Variants in NPSR1 observed in about 807,000 individuals in gnomAD.
The protein encoded by NPSR1 is neuropeptide S receptor 1.
Under a neutral mutation model 46.9 loss-of-function variants are expected in NPSR1, and 48 were observed. That is an observed-to-expected ratio of 1.02 (90% confidence interval 0.81 to 1.30). The LOEUF is 1.30. Among genes scored for constraint, NPSR1 ranks in the 50% most tolerant of loss-of-function variants. The probability of loss-of-function intolerance (pLI) is 0.00; values close to 1 mark genes in which losing one functional copy is unlikely to be tolerated. For missense variants in NPSR1, 450 were observed against 449.5 expected (o/e 1.00, Z -0.01); for synonymous variants, 176 against 168.1 (o/e 1.05, Z -0.36).
chr7:34,703,220 G>A (rs952244116), intron 2 of NPSR1, among the ~76,000 whole-genome samples: 16 of 152,226 alleles, frequency 1.1e-4, no homozygotes, highest in African/African-American at 3.1e-4. Flanking sequence ...TCAGCCAGGC[G>A]TGGTGGCGGG....
intron 6 of NPSR1, among the ~76,000 whole-genome samples, chr7:34,837,512 A>C (rs1790416104): frequency 6.6e-6 from 1 of 152,142 alleles, no homozygotes; most frequent in Non-Finnish European, 1.5e-5. Context: ...CCCATGGCCC[A>C]TTGCCCATTT....
chr7:34,791,580 T>C (rs1202108773), intron 3 of NPSR1, among the ~76,000 whole-genome samples: 1 of 151,876 alleles, frequency 6.6e-6, no homozygotes, highest in Non-Finnish European at 1.5e-5. Flanking sequence ...TGGAAAGGCA[T>C]CCTGTTTTCA....
chr7:34,669,245 A>G (rs1373474284), intron 1 of NPSR1, among the ~76,000 whole-genome samples: 2 of 152,188 alleles, frequency 1.3e-5, no homozygotes, highest in African/African-American at 2.4e-5. Context: ...GGATGCATTC[A>G]CCATTTAACT....
At chr7:34,676,551 C>T (rs13245684) in intron 1 of NPSR1, among the ~76,000 whole-genome samples, 33,811 of 151,808 alleles carry the variant, frequency 0.22, 3,998 homozygotes, top group South Asian at 0.33. Flanking sequence ...GGGACATGCA[C>T]GCATAATACG....
At chr7:34,703,618 TTAAC>T (rs1315482912) in intron 2 of NPSR1, among the ~76,000 whole-genome samples, 1 of 152,172 alleles carries the variant, frequency 6.6e-6, no homozygotes, top group Non-Finnish European at 1.5e-5. Context: ...AAAAAAAATC[TTAAC>T]TAATTATTCT....
downstream of NPSR1, among the ~76,000 whole-genome samples, chr7:34,850,311 A>G (rs965006583): frequency 1.3e-5 from 2 of 151,744 alleles, no homozygotes; most frequent in African/African-American, 4.8e-5. Flanking sequence ...ACTGGTTCTG[A>G]TAGAAAACAA....
chr7:34,858,508 A>G lies in NPSR1; in HGVS notation c.1025+9845A>G, dbSNP rs1206961170. Among the ~76,000 whole-genome samples, 6 of 151,956 alleles carry G rather than the reference A, an allele frequency of 3.9e-5. No individual in the cohort carries two copies. The East Asian group carries it at 1.2e-3, about 29-fold the overall frequency. ...CAAAATTAAATTATCATATTTAGCA[A>G]TGCACACATAGGTAATTGTATTAGT... is the stretch of plus-strand genomic sequence containing the variant. On this transcript the variant is annotated intron_variant, in intron 8 of 8. Coordinates refer to the NPSR1 transcript ENST00000359791.
At chr7:34,871,866 T>A (rs1442871812) in intron 8 of NPSR1, among the ~76,000 whole-genome samples, 1 of 151,602 alleles carries the variant, frequency 6.6e-6, no homozygotes, top group Non-Finnish European at 1.5e-5. Context: ...TTCTCAAGAG[T>A]TGGAGTGGAG....
intron 4 of NPSR1, among the ~76,000 whole-genome samples, chr7:34,826,520 C>A (rs1159684830): frequency 6.6e-6 from 1 of 152,050 alleles, no homozygotes; most frequent in Non-Finnish European, 1.5e-5. Flanking sequence ...GGAAGAAGGT[C>A]CCAGAGCCAA....
At chr7:34,731,150 C>T (rs1021122228) in intron 2 of NPSR1, among the ~76,000 whole-genome samples, 12 of 151,698 alleles carry the variant, frequency 7.9e-5, no homozygotes, top group African/African-American at 2.7e-4. Flanking sequence ...GAATTATAAA[C>T]GGATTTAAAT....
intron 6 of NPSR1, among the ~76,000 whole-genome samples, chr7:34,842,013 G>T (rs925174344): frequency 1.3e-5 from 2 of 152,156 alleles, no homozygotes; most frequent in Admixed American, 6.5e-5. Flanking sequence ...ACAATCAAAC[G>T]TAATAATACC....
chr7:34,695,535 A>G (rs1793476448), intron 2 of NPSR1, among the ~76,000 whole-genome samples: 1 of 152,206 alleles, frequency 6.6e-6, no homozygotes, highest in African/African-American at 2.4e-5. Context: ...TTGGAGAGGA[A>G]GTATTTGCAG....
At position 34,802,878 on chromosome 7, in the gene NPSR1, C is replaced by A. The variant is rs60349661; in HGVS notation, c.385-8892C>A. Reference sequence around the variant, plus strand: ...CTCAAACAAATTTACAAGAAAAAAACAAACAACCCCATCAAAAAGTGGGCG... The same window carrying A: ...CTCAAACAAATTTACAAGAAAAAAAAAAACAACCCCATCAAAAAGTGGGCG... On this transcript the variant is annotated intron_variant, in intron 3 of 8. Coordinates refer to ENST00000360581, the MANE Select transcript of NPSR1 (RefSeq NM_207172.2). Among the ~76,000 whole-genome samples, 1,154 of 150,258 alleles carry A rather than the reference C, an allele frequency of 7.7e-3. 92 individuals are homozygous for A. Among genetic ancestry groups the A allele is most frequent in the African/African-American group, 0.028 (1,115 of 39,694 alleles).
intron 7 of NPSR1, among the ~76,000 whole-genome samples, chr7:34,847,968 G>A (rs189458616): frequency 5.3e-5 from 8 of 152,270 alleles, no homozygotes; most frequent in African/African-American, 1.9e-4. Flanking sequence ...TTTCTGGAGA[G>A]GCCAACTTAG....
At chr7:34,716,722 T>A (rs1158187498) in intron 2 of NPSR1, among the ~76,000 whole-genome samples, 1 of 152,066 alleles carries the variant, frequency 6.6e-6, no homozygotes, top group African/African-American at 2.4e-5. Flanking sequence ...ATCCTTTATC[T>A]CTCCTCCTCT....
intron 2 of NPSR1, among the ~76,000 whole-genome samples, chr7:34,722,967 T>C (rs1202410139): frequency 1.3e-5 from 2 of 152,218 alleles, no homozygotes; most frequent in African/African-American, 4.8e-5. Flanking sequence ...TCCCATTATT[T>C]GACCTGTGTC....
At chr7:34,698,563 C>T (rs572561704) in intron 2 of NPSR1, among the ~76,000 whole-genome samples, 9 of 152,014 alleles carry the variant, frequency 5.9e-5, no homozygotes, top group Non-Finnish European at 1.0e-4. Context: ...CAGATTTGAC[C>T]CAAGGGTGAC....
At chr7:34,681,185 C>T (rs566386307) in intron 1 of NPSR1, among the ~76,000 whole-genome samples, 8 of 152,268 alleles carry the variant, frequency 5.3e-5, no homozygotes, top group Non-Finnish European at 5.9e-5. Flanking sequence ...CAAGTCCCAA[C>T]CTGAGGGAGA....
intron 2 of NPSR1, among the ~76,000 whole-genome samples, chr7:34,702,881 G>A (rs1166221123): frequency 6.6e-6 from 1 of 152,134 alleles, no homozygotes; most frequent in Non-Finnish European, 1.5e-5. Context: ...GGAAAATGTC[G>A]GGGGACAAAT....
Sources: allele counts gnomAD v4.1 joint callset (sites outside exome capture counted in the v4.1 genomes callset), GRCh38; gene constraint gnomAD v4.1.1; transcripts MANE v1.5; gene names NCBI Gene and HGNC (gene_info 2026-07-23, HGNC 2026-07-21).